The following C1orf146 variants were observed in gnomAD, a reference collection of about 807,000 sequenced individuals.
C1orf146 encodes protein SPO16 homolog.
Under a neutral mutation model 23.0 loss-of-function variants are expected in C1orf146, and 22 were observed. The observed-to-expected ratio is 0.96, with a 90% CI of 0.68 to 1.36. The LOEUF is 1.36. C1orf146 is among the 40% of genes most tolerant of loss of function. The pLI is 0.00. For synonymous variants in C1orf146, 59 were observed against 65.3 expected, an observed-to-expected ratio of 0.90 and a Z score of 0.47; for missense variants, 199 against 206.8, an observed-to-expected ratio of 0.96 and a Z score of 0.23.
chr1:92,224,586 G>T (rs895035703), intron 1 of C1orf146, among the ~76,000 whole-genome samples: 18 of 152,136 alleles, frequency 1.2e-4, no homozygotes, highest in Admixed American at 1.3e-4. Flanking sequence ...AAAACATACT[G>T]ATGTTGAATT....
intron 1 of C1orf146, among the ~76,000 whole-genome samples, chr1:92,226,462 A>G (rs1651971950): frequency 6.6e-6 from 1 of 152,096 alleles, no homozygotes; most frequent in African/African-American, 2.4e-5. Context: ...ACTGCTTTAT[A>G]TATTCATCTT....
intron 2 of C1orf146, among the ~76,000 whole-genome samples, chr1:92,234,232 A>C (rs1051080719): frequency 2.6e-4 from 39 of 148,334 alleles, no homozygotes; most frequent in African/African-American, 8.7e-4. Flanking sequence ...ATTGAGTATG[A>C]TATTGCCTGT....
chr1:92,236,961 A>G (rs1165481884), intron 2 of C1orf146, among the ~76,000 whole-genome samples: 5 of 152,010 alleles, frequency 3.3e-5, no homozygotes, highest in African/African-American at 1.2e-4. Context: ...CAGCTCCATC[A>G]GCTCCTTTAA....
chr1:92,233,819 C>A lies in C1orf146; in HGVS notation c.66+2333C>A, dbSNP rs554869280. 8.5e-5 allele frequency among the ~76,000 whole-genome samples: 13 copies of A among 152,236 alleles called. No individual in the cohort carries two copies. The South Asian group carries it at 2.7e-3, about 32-fold the overall frequency. On this transcript the variant is annotated intron_variant, in intron 2 of 5. Coordinates refer to ENST00000370375, the MANE Select transcript of C1orf146 (RefSeq NM_001012425.2). ...GGTTTGTAGTTCTCCTTGAAGAGGT[C>A]CTTCACATCCCTTGTAAGGTGGATT...
intron 1 of C1orf146, among the ~76,000 whole-genome samples, chr1:92,226,900 T>C (rs540745820): frequency 1.3e-5 from 2 of 152,276 alleles, no homozygotes; most frequent in South Asian, 4.1e-4. Flanking sequence ...TTTAAATCTG[T>C]TTTTCTCTAT....
At chr1:92,228,107 T>G (rs1221892731) in intron 1 of C1orf146, among the ~76,000 whole-genome samples, 1 of 152,194 alleles carries the variant, frequency 6.6e-6, no homozygotes, top group African/African-American at 2.4e-5. Flanking sequence ...TTAACCTACC[T>G]CAGTCTGGAT....
At chr1:92,230,766 T>G (rs1167752776) in intron 1 of C1orf146, among the ~76,000 whole-genome samples, 1 of 152,020 alleles carries the variant, frequency 6.6e-6, no homozygotes, top group African/African-American at 2.4e-5. Context: ...AGTGAGACCC[T>G]CTTTAAAAAA....
intron 1 of C1orf146, among the ~76,000 whole-genome samples, chr1:92,220,337 T>A (rs1188634908): frequency 2.2e-4 from 33 of 152,218 alleles, no homozygotes; most frequent in Non-Finnish European, 1.5e-5. Context: ...AATCTGGGTA[T>A]ATACACATAC....
intron 1 of C1orf146, among the ~76,000 whole-genome samples, chr1:92,222,173 G>A (rs965598173): frequency 2.6e-4 from 39 of 152,152 alleles, no homozygotes; most frequent in Admixed American, 7.2e-4. Context: ...CCTGGGTGGC[G>A]GAGGCTGCTG....
At chr1:92,224,261 G>C (rs1651911140) in intron 1 of C1orf146, among the ~76,000 whole-genome samples, 1 of 151,146 alleles carries the variant, frequency 6.6e-6, no homozygotes, top group Admixed American at 6.6e-5. Context: ...TGTTAGCCAG[G>C]ATGGTCTTGA....
At chr1:92,223,183 A>G (rs1481111879) in intron 1 of C1orf146, among the ~76,000 whole-genome samples, 1 of 152,236 alleles carries the variant, frequency 6.6e-6, no homozygotes, top group Non-Finnish European at 1.5e-5. Flanking sequence ...ACCTAGGAGT[A>G]AAATGGCTGG....
chr1:92,244,908 TA>T (rs1377458860), intron 5 of C1orf146, 51 bp downstream of exon 5: 2 of 1,029,544 alleles, frequency 1.9e-6, no homozygotes, highest in African/African-American at 3.2e-5. Context: ...TTAAGGTTTT[TA>T]ACTTCCAATT....
intron 1 of C1orf146, among the ~76,000 whole-genome samples, chr1:92,223,029 A>G (rs910047582): frequency 6.6e-6 from 1 of 152,114 alleles, no homozygotes. Context: ...TTGCTGAGTA[A>G]TACGCCATTG....
intron 1 of C1orf146, among the ~76,000 whole-genome samples, chr1:92,225,617 TTTTAA>T (rs772883195): frequency 6.6e-6 from 1 of 152,282 alleles, no homozygotes; most frequent in African/African-American, 2.4e-5. Flanking sequence ...TTATATTGAT[TTTTAA>T]TTTAATTTTA....
At chr1:92,244,878 GACACATAC>G (rs1652546440) in intron 5 of C1orf146, 21 bp downstream of exon 5, 2 of 1,386,524 alleles carry the variant, frequency 1.4e-6, no homozygotes, top group Non-Finnish European at 2.1e-6. Flanking sequence ...CGTGGAATAT[GACACATAC>G]ACACATACAT....
intron 1 of C1orf146, among the ~76,000 whole-genome samples, chr1:92,225,211 TC>T (rs1651939002): frequency 6.6e-6 from 1 of 150,544 alleles, no homozygotes; most frequent in Non-Finnish European, 1.5e-5. Context: ...GCTCAGGTGA[TC>T]CTCCCTCCTC....
chr1:92,238,405 A>G (rs1369466616), intron 2 of C1orf146, among the ~76,000 whole-genome samples: 1 of 152,192 alleles, frequency 6.6e-6, no homozygotes. Flanking sequence ...GCTCAAATGC[A>G]TTGTAAAACC....
chr1:92,218,204 A>G (rs991192517), intron 1 of C1orf146, among the ~76,000 whole-genome samples, 156 bp downstream of exon 1: 3 of 151,986 alleles, frequency 2.0e-5, no homozygotes, highest in African/African-American at 7.3e-5. Flanking sequence ...TGCCCACCCT[A>G]TTTTCCCCTT....
chr1:92,231,354 G>A, intron 1 of C1orf146, 28 bp from the exon 2 acceptor site: 1 of 1,048,580 alleles, frequency 9.5e-7, no homozygotes, highest in Non-Finnish European at 1.4e-6. Context: ...ATATTTCTTT[G>A]CATTCTTTGT....
Sources: gnomAD v4.1 joint callset for allele counts (sites outside exome capture counted in the v4.1 genomes callset) on GRCh38, gnomAD v4.1.1 for gene constraint, MANE v1.5 for transcripts, NCBI Gene and HGNC (gene_info 2026-07-23, HGNC 2026-07-21) for gene names.